Variants in DLG2 observed in about 807,000 individuals in gnomAD.
DLG2 encodes disks large homolog 2.
DLG2 carries 45 observed loss-of-function variants against 132.5 expected under a neutral mutation model. The ratio of observed to expected loss-of-function variants is 0.34; its 90% CI spans 0.27 to 0.44. The LOEUF is 0.44. DLG2 is among the 20% of genes least tolerant of loss of function. The pLI, the probability that DLG2 is intolerant of heterozygous loss-of-function variation, is 1.00. For synonymous variants in DLG2, 424 were observed against 419.6 expected, an observed-to-expected ratio of 1.01 and a Z score of -0.13; for missense variants, 1,045 against 1,196.9, an observed-to-expected ratio of 0.87 and a Z score of 1.87.
intron 15 of DLG2, among the ~76,000 whole-genome samples, chr11:83,902,201 C>A (rs1028385921): frequency 2.0e-5 from 3 of 152,156 alleles, no homozygotes; most frequent in Non-Finnish European, 4.4e-5. Flanking sequence ...CATGTTCTTT[C>A]ATGCCACTAG....
At chr11:84,399,965 T>C (rs2098824019) in intron 7 of DLG2, among the ~76,000 whole-genome samples, 1 of 152,222 alleles carries the variant, frequency 6.6e-6, no homozygotes, top group African/African-American at 2.4e-5. Context: ...TTTTGTTCCT[T>C]GCCTGTGAAG....
At chr11:83,885,376 G>A (rs1403128357) in intron 15 of DLG2, among the ~76,000 whole-genome samples, 4 of 152,156 alleles carry the variant, frequency 2.6e-5, no homozygotes, top group Non-Finnish European at 4.4e-5. Flanking sequence ...ATGAAATGAA[G>A]TGACAAAGGA....
chr11:84,062,344 G>A (rs1024414281), intron 10 of DLG2, among the ~76,000 whole-genome samples: 1 of 152,170 alleles, frequency 6.6e-6, no homozygotes, highest in Non-Finnish European at 1.5e-5. Context: ...TATGTCCAGA[G>A]TCAGTGAGAG....
In DLG2 at chr11:85,150,010, A is replaced by ATTTTTTTTTTTTTTTT. The variant is rs962380618; in HGVS notation, c.282+4530_282+4545dup. On this transcript the variant is annotated intron_variant, in intron 5 of 27. Transcript: ENST00000376104. ...ATTAACTCAAAAACATCAGTTTTTA[A>ATTTTTTTTTTTTTTTT]TTTTTTTTTTTTTTTTTTTTTTTTT... Among the ~76,000 whole-genome samples, 57 of 112,304 alleles carry ATTTTTTTTTTTTTTTT rather than the reference A, an allele frequency of 5.1e-4. 2 individuals are homozygous for ATTTTTTTTTTTTTTTT. Among genetic ancestry groups the ATTTTTTTTTTTTTTTT allele is most frequent in the Non-Finnish European group, 7.3e-4 (41 of 56,362 alleles). The allele number at this position is 112,304 out of a possible 152,430, so 73.7% of individuals were successfully genotyped here.
chr11:84,976,354 A>T (rs1332604999), intron 6 of DLG2, among the ~76,000 whole-genome samples: 1 of 152,148 alleles, frequency 6.6e-6, no homozygotes, highest in Admixed American at 6.6e-5. Flanking sequence ...TGTACCCACG[A>T]CTGTAAGACT....
At chr11:84,865,275 A>G (rs956884417) in intron 6 of DLG2, among the ~76,000 whole-genome samples, 2 of 152,194 alleles carry the variant, frequency 1.3e-5, no homozygotes, top group South Asian at 2.1e-4. Context: ...AATCCTCCCC[A>G]GTAGAGATTT....
chr11:84,028,069 A>G (rs1319798985), intron 11 of DLG2, among the ~76,000 whole-genome samples: 1 of 151,966 alleles, frequency 6.6e-6, no homozygotes, highest in Non-Finnish European at 1.5e-5. Context: ...AAAAAAAACA[A>G]AACACCTATC....
chr11:85,435,004 A>G (rs1303011294), intron 3 of DLG2, among the ~76,000 whole-genome samples: 1 of 152,226 alleles, frequency 6.6e-6, no homozygotes, highest in African/African-American at 2.4e-5. Flanking sequence ...CTGGGATGCA[A>G]GGCTGGTTCA....
At chr11:83,788,184 T>C (rs1594380726) in intron 17 of DLG2, among the ~76,000 whole-genome samples, 2 of 152,210 alleles carry the variant, frequency 1.3e-5, no homozygotes. Flanking sequence ...AGAATGACAT[T>C]GGGTGGCAGA....
chr11:85,096,811 T>A (rs2069886203), intron 6 of DLG2, among the ~76,000 whole-genome samples: 1 of 152,116 alleles, frequency 6.6e-6, no homozygotes, highest in Non-Finnish European at 1.5e-5. Flanking sequence ...CAGACACCTG[T>A]CGACCAGTTA....
chr11:84,559,064 C>T (rs545467292), intron 6 of DLG2, among the ~76,000 whole-genome samples: 83 of 152,168 alleles, frequency 5.5e-4, no homozygotes, highest in African/African-American at 2.0e-3. Flanking sequence ...GACCATTCCA[C>T]GCCTGGCAGC....
At chr11:84,052,974 T>C (rs747334437) in intron 11 of DLG2, among the ~76,000 whole-genome samples, 1 of 152,084 alleles carries the variant, frequency 6.6e-6, no homozygotes, top group Non-Finnish European at 1.5e-5. Flanking sequence ...TGTCTGTTCA[T>C]TGCAGCACTA....
intron 8 of DLG2, among the ~76,000 whole-genome samples, chr11:84,201,808 C>CTTTTTTTTTT (rs58905339): frequency 1.2e-4 from 8 of 64,584 alleles, no homozygotes; most frequent in African/African-American, 1.3e-4. Flanking sequence ...AAACTATTTT[C>CTTTTTTTTTT]TTTTTTTTTT....
At position 84,420,755 on chromosome 11, in the gene DLG2, G is replaced by A. The variant is rs12364974; in HGVS notation, c.519+113815C>T. ...GGGATCTCGGCTCACTGCAAGCTCC[G>A]CCTCCCGGGTTCACGCCATTCTCCT... On this transcript the variant is annotated intron_variant, in intron 7 of 27. Transcript: ENST00000376104. Among the ~76,000 whole-genome samples the A allele has an allele frequency of 4.6e-5, 6 of 131,440 alleles. No individual in the cohort carries two copies. In the South Asian group the frequency reaches 7.7e-4, roughly 17 times the overall value. 86.2% of individuals were successfully genotyped at this position (131,440 alleles called of 152,430 possible).
chr11:84,969,347 A>G (rs3851173), intron 6 of DLG2, among the ~76,000 whole-genome samples: 85,190 of 151,978 alleles, frequency 0.56, 24,646 homozygotes, highest in African/African-American at 0.7. Flanking sequence ...TGAGACTGCT[A>G]CTTACGTCTG....
chr11:85,273,716 A>C (rs976487012), intron 4 of DLG2, among the ~76,000 whole-genome samples: 4 of 152,218 alleles, frequency 2.6e-5, no homozygotes, highest in Non-Finnish European at 5.9e-5. Flanking sequence ...CAGGATCTAG[A>C]ACTAGAAATA....
rs61898967 is a variant in DLG2 at position 84,572,406 on chromosome 11, C to T, written c.358-37675G>A. Among the ~76,000 whole-genome samples the T allele has an allele frequency of 5.4e-3, 827 of 152,216 alleles. 4 individuals carry two copies. Among genetic ancestry groups the T allele is most frequent in the Middle Eastern group, 0.014 (4 of 294 alleles). On this transcript the variant is annotated intron_variant, in intron 6 of 27. Transcript: ENST00000376104. ...TTCAAGAAGCCTTGCTTCTTCTCTC[C>T]TTCTTGGGACAGAGACATGTAAAGA...
chr11:83,980,987 A>G (rs150562008), intron 11 of DLG2, among the ~76,000 whole-genome samples: 118 of 152,310 alleles, frequency 7.7e-4, no homozygotes, highest in African/African-American at 2.8e-3. Flanking sequence ...GAGCCAGGAA[A>G]AAGACAAGTA....
intron 9 of DLG2, among the ~76,000 whole-genome samples, chr11:84,101,833 C>T (rs939981512): frequency 6.6e-6 from 1 of 151,916 alleles, no homozygotes; most frequent in East Asian, 1.9e-4. Flanking sequence ...TGGGAGATAC[C>T]CAAATGCTTT....
Sources: gnomAD v4.1 joint callset for allele counts (sites outside exome capture counted in the v4.1 genomes callset) on GRCh38, gnomAD v4.1.1 for gene constraint, MANE v1.5 for transcripts, NCBI Gene and HGNC (gene_info 2026-07-23, HGNC 2026-07-21) for gene names.